The following NAF1 variants were observed in gnomAD, a reference collection of about 807,000 sequenced individuals.
The protein encoded by NAF1 is nuclear assembly factor 1 ribonucleoprotein, also known as H/ACA ribonucleoprotein complex non-core subunit NAF1.
In NAF1, 11 loss-of-function variants were observed where a neutral mutation model predicts 40.6. The observed-to-expected ratio is 0.27, with a 90% CI of 0.17 to 0.45. The LOEUF (loss-of-function observed/expected upper bound fraction) is 0.45, where lower values mean the gene tolerates loss of function less well. Ranked by LOEUF, NAF1 falls within the 20% of genes least tolerant of loss-of-function variation. NAF1 has a pLI of 1.00. For synonymous variants in NAF1, 260 were observed against 228.5 expected (o/e 1.14, Z -1.24); for missense variants, 607 against 611.1 (o/e 0.99, Z 0.07).
At chr4:163,130,713 G>A (rs1579141208) in intron 7 of NAF1, among the ~76,000 whole-genome samples, 1 of 152,234 alleles carries the variant, frequency 6.6e-6, no homozygotes, top group African/African-American at 2.4e-5. Context: ...CAACAAATGG[G>A]GCTGGAACAC....
chr4:163,129,919 G>A (rs1730804208), intron 7 of NAF1, among the ~76,000 whole-genome samples: 1 of 152,088 alleles, frequency 6.6e-6, no homozygotes, highest in African/African-American at 2.4e-5. Context: ...CATACCATAT[G>A]GGGAGGAGTG....
intron 2 of NAF1, among the ~76,000 whole-genome samples, chr4:163,156,222 G>A (rs1345020929): frequency 8.7e-6 from 1 of 114,626 alleles, no homozygotes; most frequent in African/African-American, 2.8e-5. Flanking sequence ...CTCTGGCAGT[G>A]CACAGAAGAT....
At chr4:163,120,445 C>T (rs962341667) in intron 2 of NAF1, among the ~76,000 whole-genome samples, 3 of 152,144 alleles carry the variant, frequency 2.0e-5, no homozygotes, top group Non-Finnish European at 4.4e-5. Context: ...CATCTATCCT[C>T]AATATAAATA....
intron 7 of NAF1, among the ~76,000 whole-genome samples, chr4:163,131,399 G>GACAAAA (rs1047814168): frequency 1.3e-5 from 2 of 151,864 alleles, no homozygotes; most frequent in African/African-American, 4.8e-5. Flanking sequence ...TCAAAAAACA[G>GACAAAA]ACAAAAACAA....
intron 2 of NAF1, among the ~76,000 whole-genome samples, chr4:163,163,342 T>C (rs1239644840): frequency 6.6e-6 from 1 of 152,184 alleles, no homozygotes. Context: ...AATCCATTCA[T>C]GAAAAAGGCT....
At chr4:163,112,380 A>T (rs1730188562) in intron 2 of NAF1, among the ~76,000 whole-genome samples, 1 of 152,202 alleles carries the variant, frequency 6.6e-6, no homozygotes, top group African/African-American at 2.4e-5. Flanking sequence ...GATTCACTGG[A>T]AGCAAATACT....
chr4:163,149,993 T>C (rs1052307896), intron 2 of NAF1, among the ~76,000 whole-genome samples: 4 of 152,090 alleles, frequency 2.6e-5, no homozygotes, highest in Non-Finnish European at 5.9e-5. Context: ...CATTTGCTAA[T>C]CCAGAAGTAC....
chr4:163,140,469 A>T lies in NAF1; in HGVS notation c.718-86T>A, dbSNP rs907056837. 16 of 1,172,276 alleles carry T rather than the reference A, an allele frequency of 1.4e-5. No individual in the cohort carries two copies. The Admixed American group carries it at 3.3e-4, about 24-fold the overall frequency. 72.6% of individuals were successfully genotyped at this position (1,172,276 alleles called of 1,614,324 possible). On this transcript the variant is annotated intron_variant, in intron 4 of 7. Transcript: ENST00000274054. ...GTGTTTTCTTTTAAAAATCCCACTG[A>T]TAATTGCCAGAACAAGGTAATTTTG...
At chr4:163,153,954 C>G (rs575212771) in intron 2 of NAF1, among the ~76,000 whole-genome samples, 3 of 151,988 alleles carry the variant, frequency 2.0e-5, no homozygotes, top group Non-Finnish European at 4.4e-5. Flanking sequence ...CTGAAGCCAG[C>G]GAGACCACGA....
chr4:163,107,647 T>C (rs1185263385), downstream of NAF1, among the ~76,000 whole-genome samples: 2 of 152,226 alleles, frequency 1.3e-5, no homozygotes, highest in Non-Finnish European at 2.9e-5. Flanking sequence ...ATAGGACTAT[T>C]AGTTCTCTAT....
downstream of NAF1, among the ~76,000 whole-genome samples, chr4:163,106,324 TA>T (rs1380761876): frequency 1.3e-5 from 2 of 152,206 alleles, no homozygotes; most frequent in African/African-American, 4.8e-5. Flanking sequence ...ACCAATATGG[TA>T]ATGCACTAGC....
At chr4:163,130,986 G>A (rs536235561) in intron 7 of NAF1, among the ~76,000 whole-genome samples, 21 of 152,260 alleles carry the variant, frequency 1.4e-4, no homozygotes, top group East Asian at 5.8e-4. Flanking sequence ...CCCAGCTGAC[G>A]CAATTCTCCT....
chr4:163,154,886 A>G (rs574718092), intron 2 of NAF1, among the ~76,000 whole-genome samples: 12 of 125,074 alleles, frequency 9.6e-5, no homozygotes, highest in African/African-American at 2.9e-4. Context: ...AAACAAAACA[A>G]AAACAAAAAA....
chr4:163,164,363 ATGAACT>A lies in NAF1; in HGVS notation c.388_393del (p.Ser144_Ser145del). On this transcript the variant is annotated inframe_deletion, in exon 2 of 8. Coordinates refer to ENST00000274054, the MANE Select transcript of NAF1 (RefSeq NM_138386.3). ...GATGAGGAAGATGAAGAGGAAGACG[ATGAACT>A]TGAACTATCTGAATCTGTTTCACTG... The A allele has an allele frequency of 3.8e-6, 6 of 1,590,508 alleles. No individual in the cohort carries two copies. The highest frequency in any genetic ancestry group is 5.1e-6 in the Non-Finnish European group (6 of 1,168,138).
At position 163,166,680 on chromosome 4, in the gene NAF1, G is replaced by T; in HGVS notation, c.48C>A (p.Phe16Leu). 1 of 1,613,768 alleles carries T rather than the reference G, an allele frequency of 6.2e-7. No homozygotes were observed. The highest frequency in any genetic ancestry group is 1.1e-5 in the South Asian group (1 of 91,052). Residue 16 changes from phenylalanine (F) to leucine (L), a missense_variant, in exon 1 of 8, where the codon TTC (phenylalanine) becomes TTA (leucine). Physicochemically the swap from Phe to Leu is conservative, Grantham distance 22 (BLOSUM62 0). This residue lies in a region of NAF1 where 407 missense variants were observed against 365.5 expected (regional missense o/e 1.11). Coordinates refer to ENST00000274054, the MANE Select transcript of NAF1 (RefSeq NM_138386.3). ...CCCCAACTCCAAAGTCGGTGCCATT[G>T]AATTTCAGAGTTTCCAGCTGAGCGG... ...AAAAQLETLK[F>L]NGTDFGVGEG...
At chr4:163,106,479 A>T (rs1379117709), downstream of NAF1, among the ~76,000 whole-genome samples, 2 of 152,178 alleles carry the variant, frequency 1.3e-5, no homozygotes, top group African/African-American at 4.8e-5. Flanking sequence ...CCTGTCCATC[A>T]CAGCAGGGTA....
At chr4:163,133,036 G>T in intron 7 of NAF1, 118 bp downstream of exon 7, 1 of 803,828 alleles carries the variant, frequency 1.2e-6, no homozygotes, top group Non-Finnish European at 1.9e-6. Context: ...CTAAATGTTA[G>T]CAGGATGCTA....
At chr4:163,147,063 A>G (rs76905901) in intron 3 of NAF1, among the ~76,000 whole-genome samples, 1,916 of 152,248 alleles carry the variant, frequency 0.013, 44 homozygotes, top group African/African-American at 0.044. Context: ...TGATTTATCT[A>G]TATATATTAT....
At chr4:163,152,708 T>C (rs944075614) in intron 2 of NAF1, among the ~76,000 whole-genome samples, 1 of 152,232 alleles carries the variant, frequency 6.6e-6, no homozygotes, top group African/African-American at 2.4e-5. Context: ...CCTGGCTCAC[T>C]CTCCGCGCCT....
Sources: gnomAD v4.1 joint callset for allele counts (sites outside exome capture counted in the v4.1 genomes callset) on GRCh38, gnomAD v4.1.1 for gene constraint, gnomAD v4.1.1 regional missense constraint, MANE v1.5 for transcripts, NCBI Gene and HGNC (gene_info 2026-07-23, HGNC 2026-07-21) for gene names.